Variants in GAD2 observed in about 807,000 individuals in gnomAD.
GAD2 encodes the protein 65 kDa glutamic acid decarboxylase.
In GAD2, 22 loss-of-function variants were observed where a neutral mutation model predicts 80.1. That is an observed-to-expected ratio of 0.27 (90% CI 0.20 to 0.39). The LOEUF (loss-of-function observed/expected upper bound fraction) is 0.39, where lower values mean the gene tolerates loss of function less well. GAD2 is among the 10% of genes least tolerant of loss of function. GAD2 has a pLI of 1.00. For synonymous variants in GAD2, 274 were observed against 256.9 expected (o/e 1.07, Z -0.64); for missense variants, 624 against 738.4 (o/e 0.85, Z 1.80).
intron 3 of GAD2, 167 bp downstream of exon 3, chr10:26,218,158 C>A: frequency 1.4e-6 from 1 of 717,326 alleles, no homozygotes; most frequent in East Asian, 3.1e-5. Flanking sequence ...GGGACCTGCC[C>A]GCTGGGTCCA....
At chr10:26,221,022 T>C (rs1844446292) in intron 4 of GAD2, among the ~76,000 whole-genome samples, 1 of 152,252 alleles carries the variant, frequency 6.6e-6, no homozygotes, top group Non-Finnish European at 1.5e-5. Flanking sequence ...AAGCAAGGCA[T>C]ATCAATTCAA....
In GAD2 at chr10:26,219,128, A is replaced by C. The variant is rs8190600; in HGVS notation, c.372A>C (p.Lys124Asn). 6.1e-5 allele frequency: 99 copies of C among 1,613,522 alleles called. 1 individual carries two copies. In the African/African-American group the frequency reaches 1.1e-3, roughly 18 times the overall value. The change falls in exon 4 of 16, where the codon AAA (lysine) becomes AAC (asparagine). Residue 124 changes from lysine to asparagine, a missense_variant. Transcript: ENST00000376261. ...ACATTTTACTTCAGTATGTGGTGAA[A>C]AGTTTCGATAGATCAACCAAAGTGA... ...VMNILLQYVVKSFDRSTKVID... is the reference protein window; with the variant it reads ...VMNILLQYVVNSFDRSTKVID...
chr10:26,263,578 T>C (rs1053959259), intron 8 of GAD2, among the ~76,000 whole-genome samples: 15 of 152,362 alleles, frequency 9.8e-5, no homozygotes, highest in African/African-American at 3.6e-4. Flanking sequence ...AGTCAGTCTA[T>C]GCAGTTTCTG....
chr10:26,253,994 T>C (rs1844913675), intron 8 of GAD2, among the ~76,000 whole-genome samples: 1 of 152,196 alleles, frequency 6.6e-6, no homozygotes, highest in African/African-American at 2.4e-5. Context: ...CAGATCATCA[T>C]CAGGCATTAG....
At chr10:26,230,434 T>C (rs1844587372) in intron 7 of GAD2, among the ~76,000 whole-genome samples, 1 of 134,204 alleles carries the variant, frequency 7.5e-6, no homozygotes. Context: ...TTTTTGTTTG[T>C]TTGTTTGTTT....
intron 8 of GAD2, among the ~76,000 whole-genome samples, chr10:26,253,607 C>G (rs1354025869): frequency 6.6e-6 from 1 of 152,142 alleles, no homozygotes; most frequent in Non-Finnish European, 1.5e-5. Flanking sequence ...ATGGGGAGTT[C>G]CTATATGATG....
chr10:26,221,790 T>C (rs6482539), intron 4 of GAD2, among the ~76,000 whole-genome samples: 33,212 of 152,208 alleles, frequency 0.22, 7,023 homozygotes, highest in African/African-American at 0.56. Flanking sequence ...CCTGGCTGCA[T>C]AGGCTGTGTG....
At chr10:26,251,668 T>G (rs141216632) in intron 8 of GAD2, among the ~76,000 whole-genome samples, 1 of 152,254 alleles carries the variant, frequency 6.6e-6, no homozygotes, top group Non-Finnish European at 1.5e-5. Flanking sequence ...TTCTTACTAA[T>G]TGAAATGATA....
chr10:26,243,746 A>T (rs1486129291), intron 7 of GAD2, among the ~76,000 whole-genome samples: 1 of 152,248 alleles, frequency 6.6e-6, no homozygotes, highest in African/African-American at 2.4e-5. Flanking sequence ...CCTGTGCAAC[A>T]AATAGCCCCT....
In GAD2 at chr10:26,217,684, A is replaced by G; in HGVS notation, c.136+15A>G. ...CAAACTGTGCGGTGAGTGCCCAGGG[A>G]CCGGGGCGGCCAAGGTCGGCCCGCG... On this transcript the variant is annotated intron_variant, in intron 2 of 15. Coordinates refer to ENST00000376261, the MANE Select transcript of GAD2 (RefSeq NM_001134366.2). The surrounding 1 kb of genome is among the most constrained non-coding windows in gnomAD (Gnocchi z 4.9). 6.2e-7 allele frequency: 1 copy of G among 1,612,660 alleles called. No homozygotes were observed. The highest frequency in any genetic ancestry group is 8.5e-7 in the Non-Finnish European group (1 of 1,179,352).
At chr10:26,243,404 C>G (rs1001661724) in intron 7 of GAD2, among the ~76,000 whole-genome samples, 10 of 152,272 alleles carry the variant, frequency 6.6e-5, no homozygotes, top group Admixed American at 6.5e-4. Flanking sequence ...CTTAGGATCC[C>G]TAACTTAAAA....
chr10:26,224,701 C>T, intron 6 of GAD2, 50 bp downstream of exon 6: 1 of 1,319,124 alleles, frequency 7.6e-7, no homozygotes. Flanking sequence ...ATATGCAATG[C>T]CTTGTTGTAA....
intron 11 of GAD2, among the ~76,000 whole-genome samples, chr10:26,275,488 T>C (rs1259588777): frequency 6.6e-6 from 1 of 152,226 alleles, no homozygotes; most frequent in Non-Finnish European, 1.5e-5. Context: ...TTCTTGAAAC[T>C]GTACTGTAAC....
chr10:26,299,750 G>A (rs1339915977), intron 15 of GAD2, among the ~76,000 whole-genome samples: 2 of 152,200 alleles, frequency 1.3e-5, no homozygotes, highest in East Asian at 3.8e-4. Context: ...GAATCTATGG[G>A]GAAGGATCAT....
chr10:26,231,065 G>A (rs137955192), intron 7 of GAD2, among the ~76,000 whole-genome samples: 1 of 152,244 alleles, frequency 6.6e-6, no homozygotes, highest in East Asian at 1.9e-4. Flanking sequence ...ACTCCAGCCT[G>A]GGCAACAGAG....
intron 8 of GAD2, among the ~76,000 whole-genome samples, chr10:26,252,691 T>C (rs1178451226): frequency 6.6e-6 from 1 of 151,394 alleles, no homozygotes; most frequent in Non-Finnish European, 1.5e-5. Context: ...ATCTTGCTCT[T>C]GTTGCCCAGG....
At chr10:26,220,045 TA>T (rs1224207845) in intron 4 of GAD2, among the ~76,000 whole-genome samples, 1 of 152,214 alleles carries the variant, frequency 6.6e-6, no homozygotes, top group Non-Finnish European at 1.5e-5. Context: ...GCTTCATTTA[TA>T]ACATTTATTT....
intron 8 of GAD2, among the ~76,000 whole-genome samples, chr10:26,250,657 G>C (rs1477599164): frequency 1.3e-5 from 2 of 152,008 alleles, no homozygotes; most frequent in African/African-American, 4.8e-5. Flanking sequence ...GAGATGGTGA[G>C]GGCAATGTGA....
chr10:26,228,961 G>A (rs1486948842), intron 6 of GAD2, among the ~76,000 whole-genome samples: 14 of 152,072 alleles, frequency 9.2e-5, no homozygotes, highest in African/African-American at 1.7e-4. Flanking sequence ...AGGCCGAGGC[G>A]GGTGGATCAT....
Sources: gnomAD v4.1 joint callset for allele counts (sites outside exome capture counted in the v4.1 genomes callset) on GRCh38, gnomAD v4.1.1 for gene constraint, Gnocchi (gnomAD v3.1) non-coding constraint, MANE v1.5 for transcripts, NCBI Gene and HGNC (gene_info 2026-07-23, HGNC 2026-07-21) for gene names.